USP9X: variants seen among roughly 807,000 people sequenced by gnomAD.
USP9X encodes the protein ubiquitin carboxyl-terminal hydrolase 9X.
In USP9X, 7 loss-of-function variants were observed where a neutral mutation model predicts 190.3. The ratio of observed to expected loss-of-function variants is 0.04; its 90% CI spans 0.02 to 0.07. The LOEUF (loss-of-function observed/expected upper bound fraction) is 0.07. Ranked by LOEUF, USP9X falls within the 10% of genes least tolerant of loss-of-function variation. The probability of loss-of-function intolerance (pLI) is 1.00; values close to 1 mark genes in which losing one functional copy is unlikely to be tolerated. For missense variants in USP9X, 1,010 were observed against 1,916.9 expected (o/e 0.53, Z 8.83); for synonymous variants, 645 against 659.5 (o/e 0.98, Z 0.34).
chrX:41,184,646 G>A lies in USP9X; in HGVS notation c.3529G>A (p.Gly1177Ser), dbSNP rs763319467. The change falls in exon 23 of 45, where the codon GGT becomes AGT. Residue 1177 changes from glycine (G) to serine (S), a missense_variant. Coordinates refer to ENST00000378308, the MANE Select transcript of USP9X (RefSeq NM_001039591.3). ...AGCTGTGGCAGAAGCTTGTCAGCCA[G>A]GTGTAGAAGGTGTGAATCCCATGAC... The part of the protein sequence containing the change: ...VRAVAEACQP[G>S]VEGVNPMTQI... The A allele has an allele frequency of 2.5e-6, 3 of 1,211,181 alleles. No homozygotes were observed. Among genetic ancestry groups the A allele is most frequent in the East Asian group, 3.0e-5 (1 of 33,843 alleles).
intron 31 of USP9X, among the ~76,000 whole-genome samples, chrX:41,203,143 T>C (rs1403481281): frequency 3.6e-5 from 4 of 111,470 alleles, no homozygotes; most frequent in Non-Finnish European, 7.5e-5. Flanking sequence ...AATTCTGTCT[T>C]CATGTTACAT....
At chrX:41,094,245 C>T (rs753865084) in intron 1 of USP9X, among the ~76,000 whole-genome samples, 3 of 107,178 alleles carry the variant, frequency 2.8e-5, no homozygotes, top group African/African-American at 1.0e-4. Flanking sequence ...GGCGTGATCT[C>T]GGCTCACTGC....
At chrX:41,128,279 T>G (rs1345271077) in intron 2 of USP9X, among the ~76,000 whole-genome samples, 2 of 112,086 alleles carry the variant, frequency 1.8e-5, no homozygotes, top group Non-Finnish European at 3.8e-5. Context: ...CTGTCATGGC[T>G]TATATAATGG....
At chrX:41,101,676 AT>A (rs1480924538) in intron 1 of USP9X, among the ~76,000 whole-genome samples, 5 of 111,144 alleles carry the variant, frequency 4.5e-5, no homozygotes, top group African/African-American at 6.5e-5. Flanking sequence ...CTCAAAAAAA[AT>A]AAATTAAAAA....
chrX:41,169,870 T>A, intron 18 of USP9X, 125 bp from the exon 19 acceptor site: 1 of 905,824 alleles, frequency 1.1e-6, no homozygotes, highest in Admixed American at 2.9e-5. Context: ...ATTAAGTATC[T>A]TTAATTCACA....
At chrX:41,099,163 C>G (rs2062018300) in intron 1 of USP9X, among the ~76,000 whole-genome samples, 1 of 88,856 alleles carries the variant, frequency 1.1e-5, no homozygotes, top group Non-Finnish European at 2.1e-5. Flanking sequence ...AGGCTGGTCT[C>G]GAGCTCCTGG....
Position 41,218,552 on chromosome X carries a change from T to C in USP9X, c.6390T>C (p.Asp2130=), listed in dbSNP as rs374535617. 3 of 1,210,027 alleles carry C rather than the reference T, an allele frequency of 2.5e-6. No homozygotes were observed. The highest frequency in any genetic ancestry group is 1.7e-5 in the African/African-American group (1 of 57,167). ...IVFIAHFSLQ[D]GPCPSPFASP... ...TTATTGCACATTTTTCCTTGCAAGA[T>C]GGGCCATGTCCTTCACCTTTTGCCT... Residue 2130 remains aspartate (D), a synonymous_variant, in exon 37 of 45, where the codon GAT becomes GAC. Coordinates refer to ENST00000378308, the MANE Select transcript of USP9X (RefSeq NM_001039591.3).
At chrX:41,141,548 G>T in intron 9 of USP9X, 117 bp downstream of exon 9, 1 of 772,568 alleles carries the variant, frequency 1.3e-6, no homozygotes, top group Non-Finnish European at 1.7e-6. Flanking sequence ...GAAATTGGGA[G>T]GTGTTTTGAT....
chrX:41,197,326 T>C, intron 28 of USP9X, 38 bp from the exon 29 acceptor site: 1 of 891,086 alleles, frequency 1.1e-6, no homozygotes, highest in Non-Finnish European at 1.5e-6. Flanking sequence ...AGACATTTGA[T>C]TTCTTCCCCC....
intron 1 of USP9X, among the ~76,000 whole-genome samples, chrX:41,103,918 C>G (rs2062051632): frequency 8.9e-6 from 1 of 111,775 alleles, no homozygotes; most frequent in South Asian, 3.7e-4. Flanking sequence ...TTCATTCTTT[C>G]ACTCAACAGA....
chrX:41,135,437 G>T (rs1158159704), intron 5 of USP9X, among the ~76,000 whole-genome samples: 1 of 111,474 alleles, frequency 9.0e-6, no homozygotes, highest in Non-Finnish European at 1.9e-5. Flanking sequence ...GTCTCATGTC[G>T]GTAGTGCCCC....
intron 13 of USP9X, among the ~76,000 whole-genome samples, chrX:41,151,978 C>T (rs2062531068): frequency 8.9e-6 from 1 of 111,883 alleles, no homozygotes; most frequent in Non-Finnish European, 1.9e-5. Flanking sequence ...GAGACTGTCT[C>T]AAAACAAAAA....
chrX:41,208,913 T>G (rs1359477780), intron 32 of USP9X, among the ~76,000 whole-genome samples: 2 of 110,615 alleles, frequency 1.8e-5, no homozygotes, highest in Non-Finnish European at 3.8e-5. Context: ...TTTCATTGTG[T>G]TAGCCAGGGT....
intron 1 of USP9X, among the ~76,000 whole-genome samples, chrX:41,116,250 TGTG>T (rs955555904): frequency 5.3e-5 from 6 of 112,617 alleles, no homozygotes; most frequent in African/African-American, 1.6e-4. Context: ...TAAAACTTCA[TGTG>T]GTAAAATTTC....
At chrX:41,128,321 G>A (rs980916143) in intron 2 of USP9X, among the ~76,000 whole-genome samples, 1 of 112,027 alleles carries the variant, frequency 8.9e-6, no homozygotes, top group Non-Finnish European at 1.9e-5. Flanking sequence ...TACACATTAT[G>A]ATTAAGAACA....
intron 5 of USP9X, 115 bp downstream of exon 5, chrX:41,134,952 A>G (rs1456982693): frequency 5.8e-5 from 32 of 554,739 alleles, no homozygotes; most frequent in Non-Finnish European, 8.6e-5. Flanking sequence ...TTGAATTAAA[A>G]GGTCTAAAAA....
At position 41,150,966 on chromosome X, in the gene USP9X, G is replaced by C. The variant is rs1416792319; in HGVS notation, c.1672G>C (p.Glu558Gln). The change falls in exon 13 of 45, where the codon GAA becomes CAA. Residue 558 changes from glutamate to glutamine, a missense_variant. By Grantham distance (29) the Glu-to-Gln change is conservative. Coordinates refer to ENST00000378308, the MANE Select transcript of USP9X (RefSeq NM_001039591.3). The stretch of plus-strand genomic sequence containing the variant: ...CCAATGGATAGATCGCTTTATAGAA[G>C]AACTTCGCACAAATGACAAATGGGT... Reference protein sequence around the residue: ...KIQWIDRFIEELRTNDKWVIP... With the variant: ...KIQWIDRFIEQLRTNDKWVIP... 8.3e-7 allele frequency: 1 copy of C among 1,207,510 alleles called. No individual in the cohort carries two copies. The highest frequency in any genetic ancestry group is 1.1e-6 in the Non-Finnish European group (1 of 893,431).
At chrX:41,175,330 G>A (rs1049630142) in intron 21 of USP9X, among the ~76,000 whole-genome samples, 3 of 110,798 alleles carry the variant, frequency 2.7e-5, no homozygotes, top group African/African-American at 9.9e-5. Flanking sequence ...GACCAGCCTG[G>A]GCAACATAGC....
Position 41,140,954 on chromosome X carries a change from T to G in USP9X, c.771-12T>G. 8.6e-7 allele frequency: 1 copy of G among 1,162,679 alleles called. No individual in the cohort carries two copies. Among genetic ancestry groups the G allele is most frequent in the Non-Finnish European group, 1.1e-6 (1 of 877,340 alleles). ...GCGTATTTACAGGAGTTTTGTATCTTTCTTATTTCAGACCATTTGGGCAAT... is the reference window on the plus strand; with the variant it reads ...GCGTATTTACAGGAGTTTTGTATCTGTCTTATTTCAGACCATTTGGGCAAT... On this transcript the variant is annotated splice_polypyrimidine_tract_variant and intron_variant, in intron 7 of 44. Coordinates refer to ENST00000378308, the MANE Select transcript of USP9X (RefSeq NM_001039591.3).
Sources: allele counts gnomAD v4.1 joint callset (sites outside exome capture counted in the v4.1 genomes callset), GRCh38; gene constraint gnomAD v4.1.1; transcripts MANE v1.5; gene names NCBI Gene and HGNC (gene_info 2026-07-23, HGNC 2026-07-21).